TENM2: variants seen among roughly 807,000 people sequenced by gnomAD.
The protein encoded by TENM2 is teneurin-2.
In TENM2, 52 loss-of-function variants were observed where a neutral mutation model predicts 245.2. The observed-to-expected ratio is 0.21, with a 90% confidence interval of 0.17 to 0.27. The LOEUF is 0.27. TENM2 is among the 10% of genes least tolerant of loss of function. The pLI, the probability that TENM2 is intolerant of heterozygous loss-of-function variation, is 1.00. For missense variants in TENM2, 3,046 were observed against 3,666.8 expected (o/e 0.83, Z 4.37); for synonymous variants, 1,363 against 1,438.9 (o/e 0.95, Z 1.19).
chr5:167,753,651 A>G (rs1403072615), intron 2 of TENM2, among the ~76,000 whole-genome samples: 1 of 152,204 alleles, frequency 6.6e-6, no homozygotes, highest in Non-Finnish European at 1.5e-5. Flanking sequence ...CTTGCCTAAA[A>G]TCACACAGTT....
chr5:168,057,079 A>G (rs933835689), intron 6 of TENM2, among the ~76,000 whole-genome samples: 1 of 152,140 alleles, frequency 6.6e-6, no homozygotes, highest in Non-Finnish European at 1.5e-5. Flanking sequence ...AAAAATCTAT[A>G]TATGTACATA....
the TENM2 span, among the ~76,000 whole-genome samples, chr5:167,200,933 G>A: frequency 3.7e-3 from 565 of 152,238 alleles, 1 homozygote; most frequent in African/African-American, 0.013. Flanking sequence ...CAAGAACCAT[G>A]AATATTATAT....
intron 5 of TENM2, among the ~76,000 whole-genome samples, chr5:168,033,723 C>A (rs1787329811): frequency 6.6e-6 from 1 of 151,996 alleles, no homozygotes; most frequent in African/African-American, 2.4e-5. Flanking sequence ...GTTCATGCCT[C>A]AAAATTTGGA....
At chr5:167,546,908 T>C (rs2127614611) in intron 2 of TENM2, among the ~76,000 whole-genome samples, 1 of 152,240 alleles carries the variant, frequency 6.6e-6, no homozygotes, top group African/African-American at 2.4e-5. Context: ...GCTGGCCTCC[T>C]CTCCTGGGCA....
chr5:167,635,701 A>G (rs111364270), intron 2 of TENM2, among the ~76,000 whole-genome samples: 4 of 128,130 alleles, frequency 3.1e-5, no homozygotes, highest in Non-Finnish European at 4.6e-5. Flanking sequence ...ATGGAGTGCA[A>G]TGGCGCTATC....
intron 8 of TENM2, among the ~76,000 whole-genome samples, chr5:168,095,260 C>T (rs11738706): frequency 0.17 from 26,268 of 152,024 alleles, 2,742 homozygotes; most frequent in East Asian, 0.37. Context: ...TCTACATGTC[C>T]CTGGATGATC....
At chr5:167,162,394 G>A in the TENM2 span, among the ~76,000 whole-genome samples, 5 of 152,062 alleles carry the variant, frequency 3.3e-5, no homozygotes, top group African/African-American at 4.8e-5. Flanking sequence ...TTGGAAGGCC[G>A]AGGTGGGCAG....
At chr5:167,979,206 G>T (rs1048781412) in intron 4 of TENM2, among the ~76,000 whole-genome samples, 1 of 152,134 alleles carries the variant, frequency 6.6e-6, no homozygotes, top group South Asian at 2.1e-4. Context: ...TTGTTACACA[G>T]GTAGGGGGAA....
intron 4 of TENM2, among the ~76,000 whole-genome samples, chr5:167,973,837 A>G (rs1383058714): frequency 6.6e-6 from 1 of 152,096 alleles, no homozygotes; most frequent in African/African-American, 2.4e-5. Flanking sequence ...AAGCACTCTA[A>G]GGTCTATTCA....
At chr5:167,034,216 C>T in the TENM2 span, among the ~76,000 whole-genome samples, 2 of 152,136 alleles carry the variant, frequency 1.3e-5, no homozygotes, top group Non-Finnish European at 2.9e-5. Context: ...ATGATAGATT[C>T]GCTTATACAT....
At chr5:168,164,713 G>A (rs773364379) in intron 13 of TENM2, among the ~76,000 whole-genome samples, 12 of 152,152 alleles carry the variant, frequency 7.9e-5, no homozygotes, top group Middle Eastern at 3.2e-3. Context: ...GGAATGTTCC[G>A]TAGACTTCAG....
intron 4 of TENM2, among the ~76,000 whole-genome samples, chr5:167,953,878 T>C (rs888288010): frequency 6.6e-6 from 1 of 152,216 alleles, no homozygotes; most frequent in African/African-American, 2.4e-5. Flanking sequence ...ATAATTTTTT[T>C]GTTTTTTTAT....
intron 2 of TENM2, among the ~76,000 whole-genome samples, chr5:167,596,187 G>T (rs964813461): frequency 1.3e-5 from 2 of 152,162 alleles, no homozygotes; most frequent in Admixed American, 1.3e-4. Context: ...TTAGGTGTCA[G>T]ACCGTTTACT....
the TENM2 span, among the ~76,000 whole-genome samples, chr5:167,239,890 A>C: frequency 0.67 from 102,100 of 152,042 alleles, 35,820 homozygotes; most frequent in Middle Eastern, 0.86. Context: ...CTCCTGCCTC[A>C]ATCTCCCAAG....
At chr5:168,105,089 A>G (rs996583181) in intron 9 of TENM2, among the ~76,000 whole-genome samples, 6 of 152,200 alleles carry the variant, frequency 3.9e-5, no homozygotes, top group African/African-American at 1.4e-4. Flanking sequence ...GAAAATAAGG[A>G]AGTTTATAAA....
At chr5:167,923,905 G>C (rs1452699916) in intron 3 of TENM2, among the ~76,000 whole-genome samples, 1 of 152,086 alleles carries the variant, frequency 6.6e-6, no homozygotes, top group Non-Finnish European at 1.5e-5. Context: ...TTGAAATAAA[G>C]AGATAAGGTG....
intron 9 of TENM2, among the ~76,000 whole-genome samples, chr5:168,100,883 C>T (rs1793754781): frequency 6.6e-6 from 1 of 150,934 alleles, no homozygotes; most frequent in East Asian, 2.0e-4. Flanking sequence ...TGTAACAAAC[C>T]TGCACATTCT....
At chr5:167,801,104 AAAAAAATAT>A (rs1765688616) in intron 2 of TENM2, among the ~76,000 whole-genome samples, 1 of 64,126 alleles carries the variant, frequency 1.6e-5, no homozygotes, top group Non-Finnish European at 2.8e-5. Context: ...AGAAAAAAAA[AAAAAAATAT>A]ATATATATAT....
At chr5:168,196,741 C>T (rs1159902507) in intron 15 of TENM2, among the ~76,000 whole-genome samples, 42 of 152,328 alleles carry the variant, frequency 2.8e-4, no homozygotes, top group Non-Finnish European at 2.9e-5. Flanking sequence ...GGATTACAGG[C>T]GTGAGCCACC....
Sources: allele counts gnomAD v4.1 joint callset (sites outside exome capture counted in the v4.1 genomes callset), GRCh38; gene constraint gnomAD v4.1.1; transcripts MANE v1.5; gene names NCBI Gene and HGNC (gene_info 2026-07-23, HGNC 2026-07-21).